Variants in TRAPPC13 observed in about 807,000 individuals in gnomAD.
TRAPPC13 encodes trafficking protein particle complex subunit 13, also known as REV7-interacting novel NHEJ regulator 1.
A neutral mutation model predicts 54.0 loss-of-function variants in TRAPPC13; 39 were observed. The observed-to-expected ratio is 0.72, with a 90% confidence interval of 0.56 to 0.94. TRAPPC13 has a LOEUF of 0.94. TRAPPC13 is among the 40% of genes least tolerant of loss of function. The pLI is 0.00. For missense variants in TRAPPC13, 386 were observed against 488.1 expected, an observed-to-expected ratio of 0.79 and a Z score of 1.97; for synonymous variants, 148 against 167.7, an observed-to-expected ratio of 0.88 and a Z score of 0.91.
Position 65,625,126 on chromosome 5 carries a change from A to G in TRAPPC13, c.46+20A>G. 2 of 1,606,580 alleles carry G rather than the reference A, an allele frequency of 1.2e-6. No individual in the cohort carries two copies. The highest frequency in any genetic ancestry group is 1.7e-6 in the Non-Finnish European group (2 of 1,173,162). The stretch of plus-strand genomic sequence containing the variant: ...TAAAAGGTAAACTTTTGCGAACCTG[A>G]TTCCCCCTTTTCTGTTTCCTTGCAT... On this transcript the variant is annotated intron_variant, in intron 1 of 12. Coordinates refer to ENST00000399438, the MANE Select transcript of TRAPPC13 (RefSeq NM_024941.4).
At chr5:65,632,186 C>T (rs761774443) in intron 1 of TRAPPC13, among the ~76,000 whole-genome samples, 1 of 152,106 alleles carries the variant, frequency 6.6e-6, no homozygotes, top group Non-Finnish European at 1.5e-5. Context: ...TTCACTTGAG[C>T]TCAGGAGGTC....
At chr5:65,634,426 C>CT (rs1755671730) in intron 1 of TRAPPC13, among the ~76,000 whole-genome samples, 1 of 152,104 alleles carries the variant, frequency 6.6e-6, no homozygotes, top group Non-Finnish European at 1.5e-5. Context: ...AGTTCTTCCT[C>CT]TTTTTTCTCC....
intron 8 of TRAPPC13, 30 bp from the exon 9 acceptor site, chr5:65,658,337 AC>A (rs1756723460): frequency 6.4e-7 from 1 of 1,562,312 alleles, no homozygotes; most frequent in Non-Finnish European, 8.7e-7. Flanking sequence ...ATGCCACCAC[AC>A]CTTGGTGGAT....
intron 7 of TRAPPC13, among the ~76,000 whole-genome samples, chr5:65,653,824 T>TG (rs974260942): frequency 7.9e-5 from 12 of 152,162 alleles, no homozygotes; most frequent in African/African-American, 2.7e-4. Flanking sequence ...GTTTCTTTTG[T>TG]GGGGGATAGG....
chr5:65,660,424 AATT>A (rs1334382757), intron 9 of TRAPPC13, among the ~76,000 whole-genome samples: 1 of 151,662 alleles, frequency 6.6e-6, no homozygotes, highest in Non-Finnish European at 1.5e-5. Flanking sequence ...TGTCTCTTAA[AATT>A]ATTTAAAAAA....
At chr5:65,632,145 C>T (rs763860613) in intron 1 of TRAPPC13, among the ~76,000 whole-genome samples, 26 of 142,594 alleles carry the variant, frequency 1.8e-4, no homozygotes, top group Non-Finnish European at 3.5e-4. Context: ...TCTTGGTGGG[C>T]GGGGGTAGGG....
intron 1 of TRAPPC13, among the ~76,000 whole-genome samples, chr5:65,631,376 TCTAA>T (rs758435779): frequency 2.0e-5 from 3 of 152,206 alleles, no homozygotes; most frequent in Admixed American, 6.5e-5. Context: ...TTTTTTTCTT[TCTAA>T]CTTTTATTTT....
intron 9 of TRAPPC13, among the ~76,000 whole-genome samples, chr5:65,660,048 A>T (rs1756797521): frequency 6.6e-6 from 1 of 151,718 alleles, no homozygotes; most frequent in South Asian, 2.1e-4. Flanking sequence ...CTTAATTAGG[A>T]ATGAAAAGTT....
rs11354403 is a variant in TRAPPC13, at chr5:65,652,339, C to CTTTTTTTT, written c.502-152_502-145dup. Reference sequence around the variant, plus strand: ...TACATTAGGGATTCTTTTTTCTTTTCTTTTTTTTTTTTTTTTTGGAAGAAT... The same window carrying CTTTTTTTT: ...TACATTAGGGATTCTTTTTTCTTTTCTTTTTTTTTTTTTTTTTTTTTTTTTGGAAGAAT... On this transcript the variant is annotated intron_variant, in intron 6 of 12. Coordinates refer to ENST00000399438, the MANE Select transcript of TRAPPC13 (RefSeq NM_024941.4). Among the ~76,000 whole-genome samples the CTTTTTTTT allele has an allele frequency of 7.3e-3, 843 of 115,782 alleles. 7 individuals are homozygous for CTTTTTTTT. Among genetic ancestry groups the CTTTTTTTT allele is most frequent in the Middle Eastern group, 0.01 (2 of 196 alleles). 76.0% of individuals were successfully genotyped at this position (115,782 alleles called of 152,430 possible).
Position 65,635,329 on chromosome 5 carries a change from C to A in TRAPPC13, c.75C>A (p.Phe25Leu), listed in dbSNP as rs1306033995. 6.2e-7 allele frequency: 1 copy of A among 1,613,198 alleles called. No individual in the cohort carries two copies. The highest frequency in any genetic ancestry group is 1.3e-5 in the African/African-American group (1 of 74,888). Reference sequence around the variant, plus strand: ...TGCGGCTGACTAAGCCTACTTTATTCACCAATATCCCAGTAACATGTGAAG... The same window carrying A: ...TGCGGCTGACTAAGCCTACTTTATTAACCAATATCCCAGTAACATGTGAAG... ...KVMRLTKPTL[F>L]TNIPVTCEEK... is the part of the protein sequence containing the mutation. Residue 25 changes from phenylalanine (F) to leucine (L), a missense_variant, in exon 2 of 13, where the codon TTC becomes TTA. Transcript: ENST00000399438.
At chr5:65,632,096 A>G (rs1755569304) in intron 1 of TRAPPC13, among the ~76,000 whole-genome samples, 3 of 151,752 alleles carry the variant, frequency 2.0e-5, no homozygotes, top group Admixed American at 2.0e-4. Flanking sequence ...AACTACAAAA[A>G]TTAACCGGGC....
intron 4 of TRAPPC13, among the ~76,000 whole-genome samples, chr5:65,646,448 T>C (rs1333855684): frequency 6.6e-6 from 1 of 152,206 alleles, no homozygotes; most frequent in Non-Finnish European, 1.5e-5. Flanking sequence ...CATCTGAATA[T>C]ATATTTAAAA....
chr5:65,629,401 T>C, intron 1 of TRAPPC13: 1 of 1,226,300 alleles, frequency 8.2e-7, no homozygotes, highest in South Asian at 2.9e-5. Context: ...TTTTTCCTTT[T>C]CTCCCTGCCT....
chr5:65,646,653 T>C (rs1195943816), intron 4 of TRAPPC13, among the ~76,000 whole-genome samples: 19 of 152,236 alleles, frequency 1.2e-4, no homozygotes, highest in Admixed American at 1.2e-3. Flanking sequence ...TATATTTGTG[T>C]ACCATTCTTT....
intron 9 of TRAPPC13, among the ~76,000 whole-genome samples, chr5:65,659,997 G>T (rs1013408293): frequency 7.0e-5 from 10 of 143,696 alleles, no homozygotes; most frequent in East Asian, 2.1e-4. Flanking sequence ...AAAAGAAGAA[G>T]AAGAAGAAGA....
intron 4 of TRAPPC13, among the ~76,000 whole-genome samples, chr5:65,640,197 T>A (rs2150672224): frequency 6.6e-6 from 1 of 152,356 alleles, no homozygotes; most frequent in East Asian, 1.9e-4. Context: ...TTTCACATTT[T>A]CAAATTATTG....
intron 11 of TRAPPC13, 82 bp downstream of exon 11, chr5:65,662,232 C>T (rs1307584583): frequency 1.0e-6 from 1 of 954,922 alleles, no homozygotes; most frequent in African/African-American, 1.7e-5. Flanking sequence ...GTTACTATCT[C>T]CTTTTAAGTT....
At chr5:65,664,143 G>A (rs1304131465) in intron 11 of TRAPPC13, 94 bp from the exon 12 acceptor site, 6 of 1,289,402 alleles carry the variant, frequency 4.7e-6, no homozygotes, top group Non-Finnish European at 6.4e-6. Flanking sequence ...CCTGGATATG[G>A]AGAAAACAAG....
chr5:65,651,852 T>TGTTTGTTTG (rs1756461983), intron 6 of TRAPPC13, among the ~76,000 whole-genome samples: 1 of 25,746 alleles, frequency 3.9e-5, no homozygotes, highest in African/African-American at 1.9e-4. Flanking sequence ...GTTTTTTTTT[T>TGTTTGTTTG]TTTTTTTTTT....
Sources: gnomAD v4.1 joint callset for allele counts (sites outside exome capture counted in the v4.1 genomes callset) on GRCh38, gnomAD v4.1.1 for gene constraint, MANE v1.5 for transcripts, NCBI Gene and HGNC (gene_info 2026-07-23, HGNC 2026-07-21) for gene names.